RAB2A: variants seen among roughly 807,000 people sequenced by gnomAD.
RAB2A encodes the protein RAB2A, member RAS oncogene family, also known as ras-related protein Rab-2A.
In RAB2A, 7 loss-of-function variants were observed where a neutral mutation model predicts 32.5. That is an observed-to-expected ratio of 0.22 (90% confidence interval 0.12 to 0.40). The LOEUF (loss-of-function observed/expected upper bound fraction) is 0.40. Ranked by LOEUF, RAB2A falls within the 10% of genes least tolerant of loss-of-function variation. The pLI is 1.00. For missense variants in RAB2A, 108 were observed against 260.7 expected (o/e 0.41, Z 4.03); for synonymous variants, 79 against 85.2 (o/e 0.93, Z 0.40).
At chr8:60,528,333 G>C (rs1807423431) in intron 1 of RAB2A, among the ~76,000 whole-genome samples, 1 of 152,158 alleles carries the variant, frequency 6.6e-6, no homozygotes, top group Non-Finnish European at 1.5e-5. Flanking sequence ...ACAGTGACTT[G>C]AATAACAAAT....
chr8:60,523,878 G>A (rs1013009469), intron 1 of RAB2A, among the ~76,000 whole-genome samples: 3 of 151,744 alleles, frequency 2.0e-5, no homozygotes, highest in African/African-American at 7.3e-5. Context: ...TTTTAGTAGA[G>A]ACGGGGTTTC....
chr8:60,548,562 G>T (rs1586075329), intron 1 of RAB2A, among the ~76,000 whole-genome samples: 10 of 119,156 alleles, frequency 8.4e-5, no homozygotes, highest in Admixed American at 1.6e-4. Context: ...CCGGGCAGAG[G>T]GGATCCTCAC....
chr8:60,606,796 T>C (rs754882408), intron 6 of RAB2A, among the ~76,000 whole-genome samples: 1 of 152,246 alleles, frequency 6.6e-6, no homozygotes, highest in Non-Finnish European at 1.5e-5. Flanking sequence ...CTGGAGTGGC[T>C]GAGATACACA....
At chr8:60,550,893 TCTC>T (rs1807836071) in intron 1 of RAB2A, among the ~76,000 whole-genome samples, 1 of 152,196 alleles carries the variant, frequency 6.6e-6, no homozygotes, top group African/African-American at 2.4e-5. Flanking sequence ...GGGGCATGAC[TCTC>T]CCTGCCTCCT....
At chr8:60,552,565 T>C (rs1042722843) in intron 1 of RAB2A, 1 of 152,200 alleles carries the variant, frequency 6.6e-6, no homozygotes, top group African/African-American at 2.4e-5. Flanking sequence ...AATTTATCCA[T>C]GAAAAGAAAA....
At chr8:60,554,453 A>T (rs530324590) in intron 1 of RAB2A, among the ~76,000 whole-genome samples, 1 of 152,200 alleles carries the variant, frequency 6.6e-6, no homozygotes, top group South Asian at 2.1e-4. Flanking sequence ...GTTCTTTTCT[A>T]TCATGGGTAG....
chr8:60,545,816 A>T (rs1456488567), intron 1 of RAB2A, among the ~76,000 whole-genome samples: 1 of 152,208 alleles, frequency 6.6e-6, no homozygotes, highest in Non-Finnish European at 1.5e-5. Flanking sequence ...ACCAGGCCTT[A>T]AAAAACAATG....
intron 1 of RAB2A, among the ~76,000 whole-genome samples, chr8:60,525,189 G>T (rs1022134098): frequency 3.9e-5 from 6 of 152,158 alleles, no homozygotes; most frequent in Non-Finnish European, 5.9e-5. Flanking sequence ...GTTGAGGGAG[G>T]GATCCCATGG....
chr8:60,532,662 C>T (rs1807495051), intron 1 of RAB2A, among the ~76,000 whole-genome samples: 1 of 152,160 alleles, frequency 6.6e-6, no homozygotes, highest in Non-Finnish European at 1.5e-5. Flanking sequence ...AAGTGCATGC[C>T]AGCACAGCCG....
In RAB2A at chr8:60,623,336, C is replaced by T. The variant is rs1473218915; in HGVS notation, c.*2567C>T. Reference sequence around the variant, plus strand: ...GGTCAAAAAGAGTTAGGATATAAATCGTACCAAAATGTTTCCAATCACTCA... The same window carrying T: ...GGTCAAAAAGAGTTAGGATATAAATTGTACCAAAATGTTTCCAATCACTCA... On this transcript the variant is annotated 3_prime_UTR_variant, in exon 8 of 8. Coordinates refer to ENST00000262646, the MANE Select transcript of RAB2A (RefSeq NM_002865.3). 6 of 152,166 alleles carry T rather than the reference C, an allele frequency of 3.9e-5. No individual in the cohort carries two copies. The East Asian group carries it at 5.8e-4, about 15-fold the overall frequency. The allele number at this position is 152,166 out of a possible 1,614,324, so 9.4% of individuals were successfully genotyped here.
chr8:60,592,888 A>G (rs550699117), intron 6 of RAB2A, among the ~76,000 whole-genome samples: 3 of 152,346 alleles, frequency 2.0e-5, no homozygotes, highest in East Asian at 1.9e-4. Context: ...CGATTTCTAG[A>G]TAAGAACAGC....
intron 3 of RAB2A, among the ~76,000 whole-genome samples, chr8:60,573,299 G>A (rs925718995): frequency 6.6e-6 from 1 of 152,148 alleles, no homozygotes; most frequent in Non-Finnish European, 1.5e-5. Flanking sequence ...TCATATACCC[G>A]TGGCCTATTT....
intron 1 of RAB2A, among the ~76,000 whole-genome samples, chr8:60,549,329 C>T (rs557807761): frequency 8.5e-4 from 130 of 152,330 alleles, no homozygotes; most frequent in African/African-American, 2.9e-3. Context: ...GATCACGCCA[C>T]TGCACTCCAG....
At chr8:60,607,164 TC>T (rs1804246896) in intron 6 of RAB2A, among the ~76,000 whole-genome samples, 1 of 148,690 alleles carries the variant, frequency 6.7e-6, no homozygotes, top group Admixed American at 6.8e-5. Flanking sequence ...GCACAGTGGC[TC>T]ACACCTGTAA....
At chr8:60,581,816 T>G (rs1004779879) in intron 3 of RAB2A, among the ~76,000 whole-genome samples, 47 of 152,044 alleles carry the variant, frequency 3.1e-4, no homozygotes, top group African/African-American at 1.1e-3. Context: ...GAGACCACCC[T>G]GGGCAACATG....
intron 6 of RAB2A, among the ~76,000 whole-genome samples, chr8:60,603,482 T>G (rs920911066): frequency 4.6e-5 from 7 of 152,328 alleles, no homozygotes; most frequent in African/African-American, 1.7e-4. Context: ...TTAATCAGCT[T>G]TATGATTTCA....
chr8:60,559,945 C>G (rs1168208947), intron 2 of RAB2A, among the ~76,000 whole-genome samples: 3 of 152,124 alleles, frequency 2.0e-5, no homozygotes, highest in African/African-American at 7.2e-5. Flanking sequence ...AGGTATAGTA[C>G]TTTGTGGATA....
Position 60,593,213 on chromosome 8 carries a change from G to A in RAB2A, c.474+1244G>A, listed in dbSNP as rs184253699. Among the ~76,000 whole-genome samples, 495 of 152,296 alleles carry A rather than the reference G, an allele frequency of 3.3e-3. 1 individual carries two copies. Among genetic ancestry groups the A allele is most frequent in the Admixed American group, 6.9e-3 (105 of 15,300 alleles). On this transcript the variant is annotated intron_variant, in intron 6 of 7. Transcript: ENST00000262646. ...AAATATGTCACCAGGTGATTTCATCGTCACGTGACCATCATAGAGTGTACT... is the reference window on the plus strand; with the variant it reads ...AAATATGTCACCAGGTGATTTCATCATCACGTGACCATCATAGAGTGTACT...
intron 3 of RAB2A, among the ~76,000 whole-genome samples, chr8:60,583,889 C>A (rs768842968): frequency 6.6e-6 from 1 of 152,170 alleles, no homozygotes; most frequent in Non-Finnish European, 1.5e-5. Context: ...TCCATTCTGT[C>A]CTTTAATAAT....
Sources: gnomAD v4.1 joint callset for allele counts (sites outside exome capture counted in the v4.1 genomes callset) on GRCh38, gnomAD v4.1.1 for gene constraint, MANE v1.5 for transcripts, NCBI Gene and HGNC (gene_info 2026-07-23, HGNC 2026-07-21) for gene names.